Variants in TMEM131L observed in about 807,000 individuals in gnomAD.
The protein encoded by TMEM131L is transmembrane 131 like.
A neutral mutation model predicts 192.2 loss-of-function variants in TMEM131L; 54 were observed. The observed-to-expected ratio is 0.28, with a 90% CI of 0.23 to 0.35. The LOEUF (loss-of-function observed/expected upper bound fraction) is 0.35. Ranked by LOEUF, TMEM131L falls within the 10% of genes least tolerant of loss-of-function variation. The pLI, the probability that TMEM131L is intolerant of heterozygous loss-of-function variation, is 1.00. For missense variants in TMEM131L, 1,888 were observed against 1,972.9 expected, an observed-to-expected ratio of 0.96 and a Z score of 0.82; for synonymous variants, 701 against 704.9, an observed-to-expected ratio of 0.99 and a Z score of 0.09.
intron 7 of TMEM131L, among the ~76,000 whole-genome samples, chr4:153,563,099 A>G (rs923723311): frequency 2.0e-5 from 3 of 152,216 alleles, no homozygotes; most frequent in African/African-American, 7.2e-5. Context: ...GGCAGAGGGT[A>G]GAAAGGCATG....
chr4:153,505,724 C>G (rs1733941470), intron 3 of TMEM131L, among the ~76,000 whole-genome samples: 1 of 152,086 alleles, frequency 6.6e-6, no homozygotes, highest in Admixed American at 6.6e-5. Flanking sequence ...GCTAAAATAT[C>G]TTATACCCCT....
chr4:153,633,390 A>ATTTTTTT (rs11292431), intron 32 of TMEM131L: 1 of 111,390 alleles, frequency 9.0e-6, no homozygotes, highest in Non-Finnish European at 1.9e-5. Context: ...CTAATTTTTA[A>ATTTTTTT]TTTTTTTTTT....
intron 17 of TMEM131L, among the ~76,000 whole-genome samples, chr4:153,591,504 C>T (rs1371160): frequency 0.27 from 40,747 of 152,050 alleles, 5,811 homozygotes; most frequent in Non-Finnish European, 0.33. Flanking sequence ...AAGTCCAGAG[C>T]GAGTCAGGTT....
At chr4:153,569,995 T>C (rs1233670024) in intron 7 of TMEM131L, among the ~76,000 whole-genome samples, 2 of 152,088 alleles carry the variant, frequency 1.3e-5, no homozygotes, top group African/African-American at 4.8e-5. Flanking sequence ...TCCTCTTCAA[T>C]TTCTTGTTTT....
rs561884551 is a variant in TMEM131L at position 153,504,422 on chromosome 4, G to C, written c.239+30534G>C. On this transcript the variant is annotated intron_variant, in intron 3 of 34. Coordinates refer to ENST00000409959, the MANE Select transcript of TMEM131L (RefSeq NM_001131007.2). The stretch of plus-strand genomic sequence containing the variant: ...AGCCTCCTGAGTAGCTGGGATTATA[G>C]GTGCGCACTACCACGCCCGGCTAAT... Among the ~76,000 whole-genome samples the C allele has an allele frequency of 2.3e-4, 35 of 151,048 alleles. No homozygotes were observed. The East Asian group carries it at 3.3e-3, about 14-fold the overall frequency.
chr4:153,557,304 T>C (rs540404723), intron 6 of TMEM131L, among the ~76,000 whole-genome samples: 1 of 152,306 alleles, frequency 6.6e-6, no homozygotes, highest in South Asian at 2.1e-4. Flanking sequence ...AGTCCTACTG[T>C]GGGTCTTTGG....
chr4:153,514,049 T>G (rs1407432674), intron 3 of TMEM131L, among the ~76,000 whole-genome samples: 1 of 152,232 alleles, frequency 6.6e-6, no homozygotes, highest in Non-Finnish European at 1.5e-5. Flanking sequence ...TGAGTAGCTT[T>G]CTTTTGAGGT....
intron 7 of TMEM131L, among the ~76,000 whole-genome samples, chr4:153,563,456 CTTTTTTTTTTTTTTTTTTTT>C (rs1177255196): frequency 4.5e-5 from 4 of 88,198 alleles, no homozygotes; most frequent in African/African-American, 1.4e-4. Flanking sequence ...GATATGTACC[CTTTTTTTTTTTTTTTTTTTT>C]TTTTTTTTTG....
chr4:153,539,808 T>C (rs1187620002), intron 3 of TMEM131L, among the ~76,000 whole-genome samples: 1 of 149,302 alleles, frequency 6.7e-6, no homozygotes, highest in African/African-American at 2.5e-5. Context: ...ATTGGGACTT[T>C]AAAAAAAAAA....
At chr4:153,616,404 T>C (rs976976969) in intron 26 of TMEM131L, among the ~76,000 whole-genome samples, 1 of 152,238 alleles carries the variant, frequency 6.6e-6, no homozygotes, top group Non-Finnish European at 1.5e-5. Context: ...TCAAGTGCAG[T>C]GCCCAGTGTT....
intron 34 of TMEM131L, 68 bp from the exon 35 acceptor site, chr4:153,636,231 ATG>A (rs3040143): frequency 0.81 from 1,133,166 of 1,391,392 alleles, 463,685 homozygotes; most frequent in Non-Finnish European, 0.83. Context: ...GTATTCGCTG[ATG>A]TGTATTCACC....
intron 26 of TMEM131L, among the ~76,000 whole-genome samples, chr4:153,619,983 C>T (rs1733274509): frequency 6.6e-6 from 1 of 152,126 alleles, no homozygotes; most frequent in Non-Finnish European, 1.5e-5. Flanking sequence ...GCTACCACCA[C>T]CGCCCACCCA....
intron 3 of TMEM131L, among the ~76,000 whole-genome samples, chr4:153,534,492 G>A (rs899988043): frequency 3.9e-5 from 6 of 152,068 alleles, no homozygotes; most frequent in Non-Finnish European, 8.8e-5. Flanking sequence ...GGAGTACAGT[G>A]GCGCAATCTC....
chr4:153,622,661 G>A (rs1159639750), intron 28 of TMEM131L, among the ~76,000 whole-genome samples: 2 of 152,314 alleles, frequency 1.3e-5, no homozygotes, highest in African/African-American at 4.8e-5. Context: ...TATGTAGTTG[G>A]TGTTGGCCCT....
At chr4:153,597,160 A>G (rs73856929) in intron 20 of TMEM131L, among the ~76,000 whole-genome samples, 12,270 of 152,102 alleles carry the variant, frequency 0.081, 1,613 homozygotes, top group African/African-American at 0.27. Context: ...GATACTAAAA[A>G]AAGTTAAAGT....
chr4:153,498,263 C>G (rs954805865), intron 3 of TMEM131L, among the ~76,000 whole-genome samples: 1 of 152,190 alleles, frequency 6.6e-6, no homozygotes, highest in Non-Finnish European at 1.5e-5. Flanking sequence ...CCCTCTGAGG[C>G]TGAGGGGCCT....
intron 7 of TMEM131L, among the ~76,000 whole-genome samples, chr4:153,561,728 G>A (rs1728857381): frequency 5.3e-5 from 8 of 152,126 alleles, no homozygotes; most frequent in Admixed American, 5.2e-4. Context: ...GGATCTGTGA[G>A]TTTAGTTAAG....
At chr4:153,480,515 C>T (rs59148059) in intron 3 of TMEM131L, among the ~76,000 whole-genome samples, 1 of 89,434 alleles carries the variant, frequency 1.1e-5, no homozygotes, top group South Asian at 4.6e-4. Flanking sequence ...AAGACTCCAT[C>T]TCAAAAAAAA....
At chr4:153,480,268 G>T (rs561626609) in intron 3 of TMEM131L, among the ~76,000 whole-genome samples, 1 of 152,320 alleles carries the variant, frequency 6.6e-6, no homozygotes, top group Admixed American at 6.5e-5. Flanking sequence ...GAACCCGGGA[G>T]TCGGAGCTTG....
Sources: allele counts gnomAD v4.1 joint callset (sites outside exome capture counted in the v4.1 genomes callset), GRCh38; gene constraint gnomAD v4.1.1; transcripts MANE v1.5; gene names NCBI Gene and HGNC (gene_info 2026-07-23, HGNC 2026-07-21).